The following KLHL14 variants were observed in gnomAD, a reference collection of about 807,000 sequenced individuals.
KLHL14 encodes kelch like family member 14.
A neutral mutation model predicts 64.3 loss-of-function variants in KLHL14; 22 were observed. The observed-to-expected ratio is 0.34, with a 90% CI of 0.24 to 0.49. The LOEUF is 0.49. Among genes scored for constraint, KLHL14 ranks in the 20% least tolerant of loss-of-function variants. The probability of loss-of-function intolerance (pLI) is 0.99; values close to 1 mark genes in which losing one functional copy is unlikely to be tolerated. For missense variants in KLHL14, 661 were observed against 789.0 expected (o/e 0.84, Z 1.94); for synonymous variants, 322 against 333.4 (o/e 0.97, Z 0.37).
intron 4 of KLHL14, among the ~76,000 whole-genome samples, chr18:32,690,798 G>C (rs1428059971): frequency 6.6e-6 from 1 of 152,146 alleles, no homozygotes; most frequent in Non-Finnish European, 1.5e-5. Context: ...CCATTCAGAG[G>C]AGAATTTAAG....
At chr18:32,747,319 T>C (rs2050228621) in intron 2 of KLHL14, among the ~76,000 whole-genome samples, 1 of 152,170 alleles carries the variant, frequency 6.6e-6, no homozygotes. Context: ...TCTATTATTA[T>C]ATTTCTATTA....
rs1483694520 is a variant in KLHL14 at position 32,683,743 on chromosome 18, T to C, written c.1239-3144A>G. On this transcript the variant is annotated intron_variant, in intron 5 of 8. Coordinates refer to ENST00000359358, the MANE Select transcript of KLHL14 (RefSeq NM_020805.3). The surrounding 1 kb of genome is among the most constrained non-coding windows in gnomAD (Gnocchi z 4.2). ...CTTTACACTCTGCTTATTTTGCAGATCTTTACAAGTTCTTTCTGGCCCTTG... is the reference window on the plus strand; with the variant it reads ...CTTTACACTCTGCTTATTTTGCAGACCTTTACAAGTTCTTTCTGGCCCTTG... Among the ~76,000 whole-genome samples, 1 of 152,244 alleles carries C rather than the reference T, an allele frequency of 6.6e-6. No homozygotes were observed. The highest frequency in any genetic ancestry group is 2.4e-5 in the African/African-American group (1 of 41,468).
At chr18:32,765,081 T>TCATG (rs1294498602) in intron 2 of KLHL14, among the ~76,000 whole-genome samples, 1 of 152,156 alleles carries the variant, frequency 6.6e-6, no homozygotes, top group Non-Finnish European at 1.5e-5. Context: ...AGCTGTGCAA[T>TCATG]CATGGAGCAA....
chr18:32,770,373 GC>G lies in KLHL14; in HGVS notation c.218del (p.Gly73AlafsTer44). 6.3e-7 allele frequency: 1 copy of G among 1,589,000 alleles called. No individual in the cohort carries two copies. Among genetic ancestry groups the G allele is most frequent in the Non-Finnish European group, 8.6e-7 (1 of 1,167,038 alleles). On this transcript the variant is annotated frameshift_variant, in exon 2 of 9. Transcript: ENST00000359358. LOFTEE classifies it high-confidence loss of function. This position sits in a 1 kb window ranked among gnomAD's most constrained non-coding sequence, Gnocchi z 6.7. ...SSHPPLGGGV[G>X]GQDGLGAPKD... ...TGGGGGCCCCCAGGCCGTCCTGGCC[GC>G]CGACCCCTCCCCCGAGAGGGGGGTG...
At chr18:32,765,459 C>A (rs372544031) in intron 2 of KLHL14, among the ~76,000 whole-genome samples, 4 of 152,084 alleles carry the variant, frequency 2.6e-5, no homozygotes, top group African/African-American at 9.7e-5. Context: ...ACTCCCATAT[C>A]GGTTGATGTA....
chr18:32,754,267 C>T (rs2050270917), intron 2 of KLHL14, among the ~76,000 whole-genome samples: 1 of 152,216 alleles, frequency 6.6e-6, no homozygotes, highest in Non-Finnish European at 1.5e-5. Context: ...TTAGACTATG[C>T]TGCCTCCTGA....
intron 3 of KLHL14, among the ~76,000 whole-genome samples, chr18:32,729,384 T>C (rs1183068279): frequency 6.6e-6 from 1 of 152,222 alleles, no homozygotes; most frequent in African/African-American, 2.4e-5. Flanking sequence ...ACGAGCCATA[T>C]TTAACACATA....
chr18:32,687,600 T>C (rs1266239929), intron 4 of KLHL14, among the ~76,000 whole-genome samples: 1 of 152,234 alleles, frequency 6.6e-6, no homozygotes, highest in Non-Finnish European at 1.5e-5. Context: ...CTGTAAATTA[T>C]CAGTTCCAAA....
intron 3 of KLHL14, chr18:32,738,263 G>C (rs1357120231): frequency 6.6e-6 from 1 of 152,172 alleles, no homozygotes; most frequent in Non-Finnish European, 1.5e-5. Context: ...ACCCCAGCAA[G>C]TGTTCTGTTT....
intron 2 of KLHL14, among the ~76,000 whole-genome samples, chr18:32,767,994 G>A (rs2050355512): frequency 6.6e-6 from 1 of 152,162 alleles, no homozygotes; most frequent in Admixed American, 6.5e-5. Flanking sequence ...ATTTAAAAGT[G>A]ACAAAAATTT....
At chr18:32,732,909 G>T (rs1373090590) in intron 3 of KLHL14, among the ~76,000 whole-genome samples, 1 of 152,128 alleles carries the variant, frequency 6.6e-6, no homozygotes, top group African/African-American at 2.4e-5. Flanking sequence ...TACTTGGAAG[G>T]CTAATCAGTT....
intron 8 of KLHL14, 138 bp downstream of exon 8, chr18:32,677,035 A>G: frequency 1.1e-6 from 1 of 938,096 alleles, no homozygotes; most frequent in Non-Finnish European, 1.6e-6. Flanking sequence ...CTATTTTACT[A>G]TCTAAAGCAA....
chr18:32,702,354 TTA>T (rs1491552064), intron 3 of KLHL14, among the ~76,000 whole-genome samples: 41 of 139,614 alleles, frequency 2.9e-4, no homozygotes, highest in African/African-American at 6.0e-4. Flanking sequence ...TTTTTTTTTT[TTA>T]AAAAAAAGTC....
At chr18:32,754,504 A>G (rs146004764) in intron 2 of KLHL14, among the ~76,000 whole-genome samples, 85 of 152,382 alleles carry the variant, frequency 5.6e-4, no homozygotes, top group African/African-American at 1.8e-3. Context: ...AGAGTGAGAC[A>G]TAATGGTAGA....
chr18:32,724,068 A>G (rs1273215818), intron 3 of KLHL14, among the ~76,000 whole-genome samples: 1 of 152,206 alleles, frequency 6.6e-6, no homozygotes, highest in Non-Finnish European at 1.5e-5. Flanking sequence ...AGATCAAATA[A>G]TGTCAGTTAC....
rs189012904 is a variant in KLHL14 at position 32,722,668 on chromosome 18, A to G, written c.1069+19260T>C. On this transcript the variant is annotated intron_variant, in intron 3 of 8. Coordinates refer to ENST00000359358, the MANE Select transcript of KLHL14 (RefSeq NM_020805.3). The stretch of plus-strand genomic sequence containing the variant: ...GGAGAGGAAAAAAAAACAGCAATCC[A>G]TCTTAAAAATCAGGCCAGGTACAGT... 3.9e-5 allele frequency among the ~76,000 whole-genome samples: 6 copies of G among 152,306 alleles called. No homozygotes were observed. The East Asian group carries it at 1.2e-3, about 29-fold the overall frequency.
chr18:32,685,353 G>A (rs773414268), intron 5 of KLHL14, among the ~76,000 whole-genome samples: 6 of 152,166 alleles, frequency 3.9e-5, no homozygotes, highest in African/African-American at 1.4e-4. Context: ...TGACCACGAC[G>A]TGAGTTATGC....
At chr18:32,690,277 A>G (rs2049901000) in intron 4 of KLHL14, among the ~76,000 whole-genome samples, 1 of 152,170 alleles carries the variant, frequency 6.6e-6, no homozygotes, top group Non-Finnish European at 1.5e-5. Flanking sequence ...TCATCTGCAG[A>G]TGTCCTTTAA....
chr18:32,680,720 G>T lies in KLHL14; in HGVS notation c.1239-121C>A. 1.1e-6 allele frequency: 1 copy of T among 933,846 alleles called. No individual in the cohort carries two copies. The highest frequency in any genetic ancestry group is 1.6e-6 in the Non-Finnish European group (1 of 634,894). 57.8% of individuals were successfully genotyped at this position (933,846 alleles called of 1,614,324 possible). On this transcript the variant is annotated intron_variant, in intron 5 of 8. Transcript: ENST00000359358. The surrounding 1 kb of genome is among the most constrained non-coding windows in gnomAD (Gnocchi z 4.8). ...GGTGCATTCTGCTTCAGAAAGGGTT[G>T]CAAATCTTTAAAAATTACACGTATA... is the stretch of plus-strand genomic sequence containing the variant.
Sources: gnomAD v4.1 joint callset for allele counts (sites outside exome capture counted in the v4.1 genomes callset) on GRCh38, gnomAD v4.1.1 for gene constraint, Gnocchi (gnomAD v3.1) non-coding constraint, MANE v1.5 for transcripts, NCBI Gene and HGNC (gene_info 2026-07-23, HGNC 2026-07-21) for gene names.